CEACAM19: variants seen among roughly 807,000 people sequenced by gnomAD.
CEACAM19 encodes CEA cell adhesion molecule 19, also known as cell adhesion molecule CEACAM19.
A neutral mutation model predicts 37.6 loss-of-function variants in CEACAM19; 37 were observed. That is an observed-to-expected ratio of 0.98 (90% confidence interval 0.76 to 1.29). The LOEUF (loss-of-function observed/expected upper bound fraction) is 1.29, where lower values mean the gene tolerates loss of function less well. Among genes scored for constraint, CEACAM19 ranks in the 50% most tolerant of loss-of-function variants. CEACAM19 has a pLI of 0.00. For missense variants in CEACAM19, 340 were observed against 375.6 expected (o/e 0.91, Z 0.78); for synonymous variants, 140 against 149.8 (o/e 0.93, Z 0.48).
chr19:44,683,311 C>A, intron 7 of CEACAM19, 126 bp from the exon 8 acceptor site: 1 of 501,988 alleles, frequency 2.0e-6, no homozygotes, highest in South Asian at 3.4e-5. Context: ...TTCCACCTTG[C>A]TCTTCCATTC....
Position 44,682,639 on chromosome 19 carries a change from G to C in CEACAM19, c.846+19G>C. 6.3e-7 allele frequency: 1 copy of C among 1,591,756 alleles called. No individual in the cohort carries two copies. Among genetic ancestry groups the C allele is most frequent in the Non-Finnish European group, 8.6e-7 (1 of 1,169,096 alleles). ...GTACCAGGTATGGAGCTGGGAGCTG[G>C]GAGGGGTGGTGGGGATCCCACGGAT... On this transcript the variant is annotated intron_variant, in intron 7 of 7. Transcript: ENST00000358777.
intron 4 of CEACAM19, among the ~76,000 whole-genome samples, chr19:44,679,792 T>G (rs1974021991): frequency 6.6e-6 from 1 of 151,232 alleles, no homozygotes; most frequent in African/African-American, 2.4e-5. Flanking sequence ...AAGCCGAGCA[T>G]GGTGGCACAC....
At chr19:44,682,391 C>A (rs1469633065) in intron 6 of CEACAM19, among the ~76,000 whole-genome samples, 176 bp from the exon 7 acceptor site, 1 of 152,192 alleles carries the variant, frequency 6.6e-6, no homozygotes, top group Non-Finnish European at 1.5e-5. Context: ...GGCCCAGTGC[C>A]CATTTGTCAG....
chr19:44,681,399 G>T, intron 6 of CEACAM19, 87 bp downstream of exon 6: 1 of 795,020 alleles, frequency 1.3e-6, no homozygotes, highest in African/African-American at 1.8e-5. Flanking sequence ...GGGCCATCTT[G>T]ACACCAGGTT....
chr19:44,667,725 T>C (rs1416818853), upstream of CEACAM19, among the ~76,000 whole-genome samples: 1 of 73,000 alleles, frequency 1.4e-5, no homozygotes, highest in Non-Finnish European at 2.2e-5. Context: ...ATATAAATTA[T>C]ATATTTATAT....
chr19:44,669,811 C>T (rs112396346), upstream of CEACAM19, among the ~76,000 whole-genome samples: 10 of 152,244 alleles, frequency 6.6e-5, no homozygotes, highest in African/African-American at 2.4e-4. Flanking sequence ...CTTGGGCTCT[C>T]CCAGACTCCT....
chr19:44,683,530 C>T lies in CEACAM19; in HGVS notation c.*40C>T. 7.3e-7 allele frequency: 1 copy of T among 1,362,958 alleles called. No homozygotes were observed. Among genetic ancestry groups the T allele is most frequent in the Non-Finnish European group, 9.9e-7 (1 of 1,005,230 alleles). 84.4% of individuals were successfully genotyped at this position (1,362,958 alleles called of 1,614,324 possible). On this transcript the variant is annotated 3_prime_UTR_variant, in exon 8 of 8. Coordinates refer to ENST00000358777, the MANE Select transcript of CEACAM19 (RefSeq NM_001127893.3). ...GGCCAGCCAGGGAGAAGACAAGGCC[C>T]CAGCCCTCCTCTGGGAGCCTCACAC...
In CEACAM19 at chr19:44,683,808, C is replaced by T. The variant is rs1883801517; in HGVS notation, c.*318C>T. 1 of 303,034 alleles carries T rather than the reference C, an allele frequency of 3.3e-6. No individual in the cohort carries two copies. Among genetic ancestry groups the T allele is most frequent in the Non-Finnish European group, 6.1e-6 (1 of 164,754 alleles). The allele number at this position is 303,034 out of a possible 1,614,324, so 18.8% of individuals were successfully genotyped here. On this transcript the variant is annotated 3_prime_UTR_variant, in exon 8 of 8. Transcript: ENST00000358777. ...CCAAAGTCCCCCAAGATCTGGATAT[C>T]TGGGGACAAGATGGTGGCCTCAGGC... is the stretch of plus-strand genomic sequence containing the variant.
chr19:44,669,771 C>G (rs1438523367), upstream of CEACAM19, among the ~76,000 whole-genome samples: 1 of 152,166 alleles, frequency 6.6e-6, no homozygotes. Flanking sequence ...GAAGCCCTCC[C>G]TAGCCGTCAG....
intron 2 of CEACAM19, among the ~76,000 whole-genome samples, chr19:44,674,854 C>T (rs1973918409): frequency 6.6e-6 from 1 of 152,276 alleles, no homozygotes; most frequent in South Asian, 2.1e-4. Context: ...AGATAACAGT[C>T]CTTACTTCAC....
intron 5 of CEACAM19, 140 bp from the exon 6 acceptor site, chr19:44,681,087 G>A: frequency 1.5e-6 from 1 of 650,886 alleles, no homozygotes; most frequent in Non-Finnish European, 2.7e-6. Flanking sequence ...TCAGCACTGT[G>A]TCCCCAGCAC....
chr19:44,673,649 T>G (rs1003337376), intron 2 of CEACAM19: 5 of 152,290 alleles, frequency 3.3e-5, no homozygotes, highest in African/African-American at 1.2e-4. Context: ...TACTCTATAT[T>G]TACTCATTTT....
chr19:44,667,569 T>G (rs1260604038), upstream of CEACAM19, among the ~76,000 whole-genome samples: 1 of 117,334 alleles, frequency 8.5e-6, no homozygotes, highest in African/African-American at 3.3e-5. Flanking sequence ...ATGTAATATA[T>G]ATATAAATTA....
upstream of CEACAM19, chr19:44,667,418 AG>A (rs1399581253): frequency 6.7e-6 from 1 of 150,140 alleles, no homozygotes; most frequent in Non-Finnish European, 1.5e-5. Flanking sequence ...ACTTGAGGCT[AG>A]TGAGCACTTG....
chr19:44,680,801 A>G (rs1020284537), intron 5 of CEACAM19, among the ~76,000 whole-genome samples: 2 of 152,092 alleles, frequency 1.3e-5, no homozygotes, highest in Non-Finnish European at 2.9e-5. Context: ...GACAGATCAA[A>G]CACAGTTTCT....
Position 44,671,884 on chromosome 19 carries a change from C to T in CEACAM19, c.-48C>T. 1 of 1,550,170 alleles carries T rather than the reference C, an allele frequency of 6.5e-7. No homozygotes were observed. The highest frequency in any genetic ancestry group is 1.4e-5 in the African/African-American group (1 of 73,746). On this transcript the variant is annotated 5_prime_UTR_variant, in exon 1 of 8. Coordinates refer to ENST00000358777, the MANE Select transcript of CEACAM19 (RefSeq NM_001127893.3). The stretch of plus-strand genomic sequence containing the variant: ...CAGCCAGGGCCCACCCCTCTGGCCC[C>T]CTTAGTGTCCAGCTCGTGGCCCCTT...
chr19:44,675,613 CCTT>C (rs1167357421), intron 2 of CEACAM19, among the ~76,000 whole-genome samples: 2 of 151,866 alleles, frequency 1.3e-5, no homozygotes, highest in African/African-American at 4.8e-5. Flanking sequence ...TAGTGACACC[CCTT>C]CTTTACAAAA....
upstream of CEACAM19, among the ~76,000 whole-genome samples, chr19:44,668,826 T>G (rs572707856): frequency 1.2e-3 from 142 of 116,224 alleles, 1 homozygote; most frequent in African/African-American, 4.2e-3. Context: ...ATATATTCAG[T>G]TTTTTTTTTT....
rs377367864 is a variant in CEACAM19 at position 44,671,926 on chromosome 19, G to A, written c.-6G>A. The A allele has an allele frequency of 1.9e-5, 31 of 1,603,812 alleles. No homozygotes were observed. The highest frequency in any genetic ancestry group is 2.7e-5 in the African/African-American group (2 of 74,764). On this transcript the variant is annotated 5_prime_UTR_variant, in exon 1 of 8. Transcript: ENST00000358777. ...TGGCCCCTTGGCATTTCCACAAGAC[G>A]CCAAGATGGAGATTCCCATGGGGAC...
Sources: allele counts gnomAD v4.1 joint callset (sites outside exome capture counted in the v4.1 genomes callset), GRCh38; gene constraint gnomAD v4.1.1; transcripts MANE v1.5; gene names NCBI Gene and HGNC (gene_info 2026-07-23, HGNC 2026-07-21).